Variants in MICALL1 observed in about 807,000 individuals in gnomAD.
The protein encoded by MICALL1 is MICAL like 1, also known as MICAL-like protein 1.
A neutral mutation model predicts 83.7 loss-of-function variants in MICALL1; 61 were observed. The observed-to-expected ratio is 0.73, with a 90% confidence interval of 0.59 to 0.90. The LOEUF is 0.90. Among genes scored for constraint, MICALL1 ranks in the 40% least tolerant of loss-of-function variants. The pLI is 0.00. For missense variants in MICALL1, 1,066 were observed against 1,152.0 expected (o/e 0.93, Z 1.08); for synonymous variants, 481 against 473.6 (o/e 1.02, Z -0.20).
rs372446346 is a variant in MICALL1, at chr22:37,937,097, G to A, written c.2326G>A (p.Glu776Lys). 18 of 1,551,664 alleles carry A rather than the reference G, an allele frequency of 1.2e-5. No individual in the cohort carries two copies. The highest frequency in any genetic ancestry group is 1.7e-4 in the Middle Eastern group (1 of 5,992). Reference protein sequence around the residue: ...LNKPEKDWTEEDRAREKVLMQ... With the variant: ...LNKPEKDWTEKDRAREKVLMQ... ...CTGGGCAGAAAAGGACTGGACGGAG[G>A]AGGACCGGGCCCGGGAGAAGGTGCT... is the stretch of plus-strand genomic sequence containing the variant. Residue 776 changes from glutamate to lysine, a missense_variant, in exon 14 of 16, where the codon GAG becomes AAG. Coordinates refer to ENST00000215957, the MANE Select transcript of MICALL1 (RefSeq NM_033386.4).
intron 15 of MICALL1, among the ~76,000 whole-genome samples, chr22:37,939,773 CAA>C (rs147934175): frequency 4.5e-5 from 2 of 44,452 alleles, no homozygotes; most frequent in Non-Finnish European, 4.0e-5. Flanking sequence ...GTCTCCGTCT[CAA>C]AAAAAAAAAA....
Position 37,924,286 on chromosome 22 carries a change from A to G in MICALL1, c.1025-374A>G, listed in dbSNP as rs1487262962. On this transcript the variant is annotated intron_variant, in intron 6 of 15. Coordinates refer to ENST00000215957, the MANE Select transcript of MICALL1 (RefSeq NM_033386.4). The surrounding 1 kb of genome is among the most constrained non-coding windows in gnomAD (Gnocchi z 5.2). ...TCAGTGGATTGTGGAAGTCTTGCTA[A>G]GTTGGAAGGAGGGGAGCAGGGGCTG... Among the ~76,000 whole-genome samples the G allele has an allele frequency of 6.6e-6, 1 of 152,158 alleles. No homozygotes were observed. The highest frequency in any genetic ancestry group is 1.5e-5 in the Non-Finnish European group (1 of 68,010).
At chr22:37,919,893 G>A (rs1928918584) in intron 5 of MICALL1, among the ~76,000 whole-genome samples, 1 of 151,880 alleles carries the variant, frequency 6.6e-6, no homozygotes. Context: ...GGAAGCTGAG[G>A]CAGGAATCAC....
rs1464761329 is a variant in MICALL1 at position 37,933,217 on chromosome 22, C to G, written c.2308+105C>G. On this transcript the variant is annotated intron_variant, in intron 13 of 15. Transcript: ENST00000215957. ...AACCCCAGTAGGATGCACAGGCAGA[C>G]TGGGGACAGGGCCAGAGGAGGAGGT... 22 of 1,189,608 alleles carry G rather than the reference C, an allele frequency of 1.8e-5. No homozygotes were observed. The South Asian group carries it at 2.2e-4, about 12-fold the overall frequency. The allele number at this position is 1,189,608 out of a possible 1,614,324, so 73.7% of individuals were successfully genotyped here.
chr22:37,932,770 C>G lies in MICALL1; in HGVS notation c.2144-28C>G, dbSNP rs1303676937. 1 of 1,613,808 alleles carries G rather than the reference C, an allele frequency of 6.2e-7. No individual in the cohort carries two copies. The highest frequency in any genetic ancestry group is 8.5e-7 in the Non-Finnish European group (1 of 1,179,936). On this transcript the variant is annotated intron_variant, in intron 11 of 15. Transcript: ENST00000215957. The surrounding 1 kb of genome is among the most constrained non-coding windows in gnomAD (Gnocchi z 4.4). Reference sequence around the variant, plus strand: ...ACTGAGCCAGGCATGGCAGCCAGCCCTGGCCTCAGTGGGTATCTGGCTTCC... The same window carrying G: ...ACTGAGCCAGGCATGGCAGCCAGCCGTGGCCTCAGTGGGTATCTGGCTTCC...
chr22:37,910,548 G>C (rs1928252369), intron 1 of MICALL1, among the ~76,000 whole-genome samples: 1 of 152,152 alleles, frequency 6.6e-6, no homozygotes, highest in African/African-American at 2.4e-5. Flanking sequence ...AGGGGAGCTA[G>C]GGAGGCAGCC....
intron 3 of MICALL1, among the ~76,000 whole-genome samples, chr22:37,916,720 G>T (rs713891): frequency 0.37 from 55,759 of 152,010 alleles, 10,596 homozygotes; most frequent in Non-Finnish European, 0.41. Flanking sequence ...AGCCAGGGCA[G>T]GAGTGAAGGA....
chr22:37,940,758 G>A lies in MICALL1; in HGVS notation c.2520G>A (p.Lys840=), dbSNP rs778774507. 8 of 1,614,052 alleles carry A rather than the reference G, an allele frequency of 5.0e-6. No homozygotes were observed. The highest frequency in any genetic ancestry group is 6.8e-6 in the Non-Finnish European group (8 of 1,180,010). ...EPEGKKKGKF[K]TMKMLKLLGN... Reference sequence around the variant, plus strand: ...AGGGCAAGAAGAAGGGGAAGTTCAAGACCATGAAGATGTTGAAACTGCTAG... The same window carrying A: ...AGGGCAAGAAGAAGGGGAAGTTCAAAACCATGAAGATGTTGAAACTGCTAG... Residue 840 remains lysine, a synonymous_variant, in exon 16 of 16, where the codon AAG becomes AAA. Coordinates refer to ENST00000215957, the MANE Select transcript of MICALL1 (RefSeq NM_033386.4).
chr22:37,927,942 C>T, intron 9 of MICALL1, 116 bp downstream of exon 9: 1 of 1,144,876 alleles, frequency 8.7e-7, no homozygotes, highest in Non-Finnish European at 1.2e-6. Flanking sequence ...GAGTCTCTCT[C>T]TGTCACCCAG....
chr22:37,926,158 G>T, intron 8 of MICALL1, 115 bp downstream of exon 8: 1 of 1,309,442 alleles, frequency 7.6e-7, no homozygotes, highest in South Asian at 1.5e-5. Flanking sequence ...GTGTTTCATG[G>T]GTGACTTCTC....
chr22:37,906,449 G>A lies in MICALL1; in HGVS notation c.27G>A (p.Leu9=). MAGPRGAL[L]AWCRRQCEGY... ...TGGCTGGGCCGCGGGGCGCGCTGCT[G>A]GCCTGGTGCCGCCGCCAGTGCGAGG... Residue 9 remains leucine, a synonymous_variant, in exon 1 of 16, where the codon CTG becomes CTA. Coordinates refer to ENST00000215957, the MANE Select transcript of MICALL1 (RefSeq NM_033386.4). The surrounding 1 kb of genome is among the most constrained non-coding windows in gnomAD (Gnocchi z 4.4). 1.7e-6 allele frequency: 2 copies of A among 1,197,356 alleles called. No individual in the cohort carries two copies. The highest frequency in any genetic ancestry group is 2.1e-6 in the Non-Finnish European group (2 of 962,604). 74.2% of individuals were successfully genotyped at this position (1,197,356 alleles called of 1,614,324 possible).
Position 37,911,958 on chromosome 22 carries a change from T to C in MICALL1, c.153T>C (p.Phe51=). ...LHRHRPDLLD[F]DSLSKDNVFE... is the part of the protein sequence containing the mutation. The stretch of plus-strand genomic sequence containing the variant: ...CTCCCTTTGCCTCTTGCAGAGATTT[T>C]GATTCGCTTTCCAAGGACAATGTCT... The change falls in exon 2 of 16, where the codon TTT becomes TTC. Residue 51 remains phenylalanine, a synonymous_variant. Coordinates refer to ENST00000215957, the MANE Select transcript of MICALL1 (RefSeq NM_033386.4). The C allele has an allele frequency of 6.2e-7, 1 of 1,614,236 alleles. No homozygotes were observed. The highest frequency in any genetic ancestry group is 1.3e-5 in the African/African-American group (1 of 75,054).
rs968345181 is a variant in MICALL1, at chr22:37,921,410, A to C, written c.570-562A>C. On this transcript the variant is annotated intron_variant, in intron 5 of 15. Transcript: ENST00000215957. ...TGGTGAAACTCCGTCTCTACTAAAA[A>C]TGCCAAAAAAAAATTAGCCAGGTGT... Among the ~76,000 whole-genome samples the C allele has an allele frequency of 3.3e-5, 5 of 152,144 alleles. No homozygotes were observed. In the South Asian group the frequency reaches 1.0e-3, roughly 32 times the overall value.
chr22:37,917,632 C>T, intron 3 of MICALL1, 75 bp from the exon 4 acceptor site: 1 of 1,398,830 alleles, frequency 7.1e-7, no homozygotes, highest in Admixed American at 1.7e-5. Context: ...GGTCTCAAAT[C>T]TTCAGCCAGG....
At chr22:37,928,149 G>A (rs891570933) in intron 9 of MICALL1, among the ~76,000 whole-genome samples, 13 of 148,158 alleles carry the variant, frequency 8.8e-5, no homozygotes, top group Admixed American at 4.7e-4. Context: ...CTCGTGATCC[G>A]CCTGCCTCAG....
chr22:37,922,048 G>T lies in MICALL1; in HGVS notation c.646G>T (p.Glu216Ter). 1 of 1,613,458 alleles carries T rather than the reference G, an allele frequency of 6.2e-7. No individual in the cohort carries two copies. The highest frequency in any genetic ancestry group is 1.1e-5 in the South Asian group (1 of 91,080). Reference protein sequence around the residue: ...GPEEGTFVCAEHCARLGPGTR... With the variant: ...GPEEGTFVCA ...TGAGGAGGGCACCTTTGTGTGTGCA[G>T]AACACTGTGCCAGGCTGGGCCCGGG... Residue 216 changes from glutamate (E) to a stop codon, truncating the protein, a stop_gained, in exon 6 of 16, where the codon GAA becomes TAA. Coordinates refer to ENST00000215957, the MANE Select transcript of MICALL1 (RefSeq NM_033386.4). LOFTEE classifies it high-confidence loss of function.
chr22:37,922,602 T>TATATATATATATATATATATA (rs36105155), intron 6 of MICALL1, among the ~76,000 whole-genome samples, 176 bp downstream of exon 6: 1 of 37,204 alleles, frequency 2.7e-5, no homozygotes. Flanking sequence ...TATATATATA[T>TATATATATATATATATATATA]TTTTTTTTTT....
chr22:37,910,473 G>A (rs779054724), intron 1 of MICALL1, among the ~76,000 whole-genome samples: 17 of 152,122 alleles, frequency 1.1e-4, no homozygotes, highest in Non-Finnish European at 1.3e-4. Flanking sequence ...GAACCGGACC[G>A]GGAGACAGAG....
rs772616595 is a variant in MICALL1, at chr22:37,917,704, C to T, written c.338-3C>T. On this transcript the variant is annotated splice_polypyrimidine_tract_variant and splice_region_variant and intron_variant, in intron 3 of 15. Transcript: ENST00000215957. ...TCAGGACCCCTTTCTCATCTCTTGG[C>T]AGCTGGTGTCTCGCCACCCAGAAAG... 9.3e-6 allele frequency: 15 copies of T among 1,613,388 alleles called. No homozygotes were observed. The highest frequency in any genetic ancestry group is 1.3e-5 in the Non-Finnish European group (15 of 1,179,624).
Sources: gnomAD v4.1 joint callset for allele counts (sites outside exome capture counted in the v4.1 genomes callset) on GRCh38, gnomAD v4.1.1 for gene constraint, Gnocchi (gnomAD v3.1) non-coding constraint, MANE v1.5 for transcripts, NCBI Gene and HGNC (gene_info 2026-07-23, HGNC 2026-07-21) for gene names.